ROBO2: variants seen among roughly 807,000 people sequenced by gnomAD.
ROBO2 encodes roundabout homolog 2.
A neutral mutation model predicts 160.8 loss-of-function variants in ROBO2; 53 were observed. That is an observed-to-expected ratio of 0.33 (90% CI 0.26 to 0.41). The LOEUF is 0.41. Ranked by LOEUF, ROBO2 falls within the 10% of genes least tolerant of loss-of-function variation. The probability of loss-of-function intolerance (pLI) is 1.00; values close to 1 mark genes in which losing one functional copy is unlikely to be tolerated. For synonymous variants in ROBO2, 664 were observed against 611.7 expected, an observed-to-expected ratio of 1.09 and a Z score of -1.26; for missense variants, 1,577 against 1,722.4, an observed-to-expected ratio of 0.92 and a Z score of 1.49.
At chr3:76,069,635 G>A (rs889474661) in intron 2 of ROBO2, among the ~76,000 whole-genome samples, 1 of 149,524 alleles carries the variant, frequency 6.7e-6, no homozygotes, top group Non-Finnish European at 1.5e-5. Context: ...TTTTTTTAAT[G>A]AAAATTAGAA....
chr3:76,173,222 GTATA>G (rs201573444), intron 2 of ROBO2, among the ~76,000 whole-genome samples: 1 of 149,676 alleles, frequency 6.7e-6, no homozygotes, highest in Non-Finnish European at 1.5e-5. Flanking sequence ...ATGTGTGTGA[GTATA>G]TATATGTGTG....
At chr3:76,194,568 A>G (rs1702170852) in intron 2 of ROBO2, among the ~76,000 whole-genome samples, 1 of 151,814 alleles carries the variant, frequency 6.6e-6, no homozygotes, top group Non-Finnish European at 1.5e-5. Flanking sequence ...TTAAGACAAA[A>G]CAGCAAGTTA....
At chr3:77,121,396 G>T (rs1197680330) in intron 2 of ROBO2, among the ~76,000 whole-genome samples, 1 of 152,026 alleles carries the variant, frequency 6.6e-6, no homozygotes, top group Non-Finnish European at 1.5e-5. Flanking sequence ...GTGGGGAATG[G>T]AATATCCTGA....
rs530286220 is a variant in ROBO2, at chr3:76,828,343, T to C, written c.110-269671T>C. Among the ~76,000 whole-genome samples the C allele has an allele frequency of 2.6e-5, 4 of 152,210 alleles. No individual in the cohort carries two copies. The South Asian group carries it at 8.3e-4, about 32-fold the overall frequency. Reference sequence around the variant, plus strand: ...TATATTATTATATATGAAATTTTAATCAGTTAATTGATTTAATAATATTTA... The same window carrying C: ...TATATTATTATATATGAAATTTTAACCAGTTAATTGATTTAATAATATTTA... On this transcript the variant is annotated intron_variant, in intron 2 of 26. Coordinates refer to the ROBO2 transcript ENST00000487694.
intron 2 of ROBO2, among the ~76,000 whole-genome samples, chr3:77,128,686 T>C (rs1241712084): frequency 2.6e-5 from 4 of 152,242 alleles, no homozygotes; most frequent in Non-Finnish European, 5.9e-5. Flanking sequence ...TCCCATGTTC[T>C]GTGCTAATTT....
intron 2 of ROBO2, among the ~76,000 whole-genome samples, chr3:76,519,065 T>C (rs1319095939): frequency 6.6e-6 from 1 of 152,136 alleles, no homozygotes; most frequent in East Asian, 1.9e-4. Context: ...TCCCAGAGGA[T>C]GTGACGTTTG....
intron 2 of ROBO2, among the ~76,000 whole-genome samples, chr3:77,342,975 A>G (rs1225786237): frequency 6.6e-6 from 1 of 152,042 alleles, no homozygotes; most frequent in Admixed American, 6.6e-5. Context: ...AGGCACGGTC[A>G]GGTTCTGGTA....
At chr3:77,154,284 G>A (rs1189872113) in intron 2 of ROBO2, among the ~76,000 whole-genome samples, 1 of 151,914 alleles carries the variant, frequency 6.6e-6, no homozygotes, top group African/African-American at 2.4e-5. Flanking sequence ...TAATAAATAG[G>A]TACAGAGGAA....
At chr3:77,017,710 T>A (rs1412246627) in intron 2 of ROBO2, among the ~76,000 whole-genome samples, 1 of 152,160 alleles carries the variant, frequency 6.6e-6, no homozygotes, top group Non-Finnish European at 1.5e-5. Context: ...TATTGTTAAA[T>A]CAATGCTGAC....
chr3:77,095,071 C>G (rs1295194734), intron 1 of ROBO2, among the ~76,000 whole-genome samples: 1 of 152,048 alleles, frequency 6.6e-6, no homozygotes, highest in Admixed American at 6.6e-5. Flanking sequence ...CTTTTGGTAT[C>G]ATATCCAAGA....
intron 2 of ROBO2, among the ~76,000 whole-genome samples, chr3:77,320,580 A>G (rs955250869): frequency 1.3e-5 from 2 of 151,990 alleles, no homozygotes; most frequent in Admixed American, 6.6e-5. Flanking sequence ...AAGGGCTCTT[A>G]TTTAATTAAA....
intron 2 of ROBO2, among the ~76,000 whole-genome samples, chr3:77,218,130 A>G (rs1012952019): frequency 6.6e-6 from 1 of 152,160 alleles, no homozygotes; most frequent in African/African-American, 2.4e-5. Context: ...AATGCTTTGT[A>G]GGGTCTAATC....
At chr3:77,255,399 A>C (rs2090812134) in intron 2 of ROBO2, among the ~76,000 whole-genome samples, 1 of 152,194 alleles carries the variant, frequency 6.6e-6, no homozygotes, top group African/African-American at 2.4e-5. Flanking sequence ...CATTCTTTGG[A>C]GTTGCTAACC....
chr3:76,292,578 A>G (rs1708857778), intron 2 of ROBO2, among the ~76,000 whole-genome samples: 1 of 152,190 alleles, frequency 6.6e-6, no homozygotes, highest in Non-Finnish European at 1.5e-5. Context: ...GCCTTGGACA[A>G]TGGGGAAAAT....
chr3:77,498,827 A>G (rs1275376288), intron 5 of ROBO2, among the ~76,000 whole-genome samples: 1 of 152,154 alleles, frequency 6.6e-6, no homozygotes, highest in Non-Finnish European at 1.5e-5. Context: ...TGAGCTCCTG[A>G]TAAATAACCA....
At chr3:76,657,598 A>T (rs138371187) in intron 2 of ROBO2, among the ~76,000 whole-genome samples, 1 of 143,526 alleles carries the variant, frequency 7.0e-6, no homozygotes, top group African/African-American at 2.6e-5. Flanking sequence ...AAATATATAT[A>T]TGTATATATA....
intron 2 of ROBO2, among the ~76,000 whole-genome samples, chr3:77,202,743 T>C (rs563390309): frequency 8.5e-5 from 13 of 152,266 alleles, no homozygotes; most frequent in African/African-American, 2.9e-4. Flanking sequence ...CTTTCTTTCT[T>C]CTTTATTTCC....
chr3:77,631,874 A>C (rs568599022), intron 23 of ROBO2: 1 of 152,228 alleles, frequency 6.6e-6, no homozygotes, highest in African/African-American at 2.4e-5. Context: ...CATTTAAATT[A>C]ATAGAACTTC....
intron 2 of ROBO2, among the ~76,000 whole-genome samples, chr3:77,390,172 C>T (rs2074571348): frequency 1.3e-5 from 2 of 152,098 alleles, no homozygotes; most frequent in South Asian, 2.1e-4. Flanking sequence ...ACCTTAACCA[C>T]GCAGCTTAGA....
Sources: gnomAD v4.1 joint callset for allele counts (sites outside exome capture counted in the v4.1 genomes callset) on GRCh38, gnomAD v4.1.1 for gene constraint, MANE v1.5 for transcripts, NCBI Gene and HGNC (gene_info 2026-07-23, HGNC 2026-07-21) for gene names.